Variants in EEFSEC observed in about 807,000 individuals in gnomAD.
EEFSEC encodes eukaryotic elongation factor, selenocysteine-tRNA specific, also known as selenocysteine-specific elongation factor.
A neutral mutation model predicts 42.1 loss-of-function variants in EEFSEC; 43 were observed. That is an observed-to-expected ratio of 1.02 (90% CI 0.80 to 1.32). EEFSEC has a LOEUF of 1.32. Among genes scored for constraint, EEFSEC ranks in the 40% most tolerant of loss-of-function variants. EEFSEC has a pLI of 0.00. For synonymous variants in EEFSEC, 354 were observed against 339.1 expected (o/e 1.04, Z -0.48); for missense variants, 745 against 803.6 (o/e 0.93, Z 0.88).
Position 128,341,758 on chromosome 3 carries a change from C to G in EEFSEC, c.1312C>G (p.His438Asp). Residue 438 changes from histidine to aspartate, a missense_variant, in exon 5 of 7, where the codon CAC becomes GAC. Transcript: ENST00000254730. ...TGGCTCCAGGCTAGATGCGGACATT[C>G]ACACCAACACGTGCCGGCTAGCCTT... ...VIGSRLDADI[H>D]TNTCRLAFHG... is the part of the protein sequence containing the mutation. 6.2e-7 allele frequency: 1 copy of G among 1,614,154 alleles called. No individual in the cohort carries two copies.
At chr3:128,174,556 A>T (rs148594190) in intron 1 of EEFSEC, among the ~76,000 whole-genome samples, 2 of 152,332 alleles carry the variant, frequency 1.3e-5, no homozygotes, top group East Asian at 3.9e-4. Flanking sequence ...GCAGCACAAC[A>T]GGCCTGGGCT....
At chr3:128,232,010 T>C (rs1351821754) in intron 1 of EEFSEC, among the ~76,000 whole-genome samples, 6 of 152,148 alleles carry the variant, frequency 3.9e-5, no homozygotes, top group Non-Finnish European at 8.8e-5. Context: ...CTTACTGTTT[T>C]GTCCAAAAAT....
At chr3:128,354,969 GTAGA>G (rs1174024745) in intron 5 of EEFSEC, among the ~76,000 whole-genome samples, 11 of 152,186 alleles carry the variant, frequency 7.2e-5, no homozygotes, top group African/African-American at 2.2e-4. Flanking sequence ...GTTCTCCCAG[GTAGA>G]TAGGAGGAAA....
At chr3:128,324,739 A>G (rs2067045918) in intron 4 of EEFSEC, among the ~76,000 whole-genome samples, 1 of 152,194 alleles carries the variant, frequency 6.6e-6, no homozygotes, top group African/African-American at 2.4e-5. Context: ...CAGGCCCTCA[A>G]TTCTTTTTGG....
chr3:128,408,798 G>A (rs2068152920), downstream of EEFSEC, among the ~76,000 whole-genome samples: 1 of 152,202 alleles, frequency 6.6e-6, no homozygotes, highest in Non-Finnish European at 1.5e-5. Context: ...AGTCTGCAGA[G>A]TGTCTGCGCT....
intron 5 of EEFSEC, among the ~76,000 whole-genome samples, chr3:128,354,798 A>C (rs2067432103): frequency 6.6e-6 from 1 of 152,238 alleles, no homozygotes; most frequent in South Asian, 2.1e-4. Flanking sequence ...GAGAAGATGC[A>C]GTAAACGTGT....
chr3:128,210,642 A>AAGTTCC (rs2065746670), intron 1 of EEFSEC, among the ~76,000 whole-genome samples: 1 of 152,226 alleles, frequency 6.6e-6, no homozygotes, highest in East Asian at 1.9e-4. Context: ...TAGCTTCCCA[A>AAGTTCC]TTACATCTCT....
At chr3:128,217,534 G>A (rs770367032) in intron 1 of EEFSEC, among the ~76,000 whole-genome samples, 2 of 152,184 alleles carry the variant, frequency 1.3e-5, no homozygotes, top group African/African-American at 2.4e-5. Context: ...ATGTGTTCAC[G>A]TGCACCTTGG....
At chr3:128,388,388 G>A (rs550169793) in intron 6 of EEFSEC, among the ~76,000 whole-genome samples, 20 of 152,230 alleles carry the variant, frequency 1.3e-4, no homozygotes, top group Admixed American at 3.9e-4. Flanking sequence ...CTCTGCCTTC[G>A]AGCTCCTCCA....
chr3:128,386,485 G>T (rs544720021), intron 6 of EEFSEC, among the ~76,000 whole-genome samples: 1 of 152,242 alleles, frequency 6.6e-6, no homozygotes, highest in South Asian at 2.1e-4. Flanking sequence ...GGCAGTGGGG[G>T]GGGGATGCAG....
chr3:128,172,501 G>T (rs1343117340), intron 1 of EEFSEC, among the ~76,000 whole-genome samples: 20 of 152,192 alleles, frequency 1.3e-4, no homozygotes, highest in Admixed American at 1.3e-3. Context: ...CGCTTGCTGT[G>T]TTGCGCAGGT....
At chr3:128,184,360 G>T (rs2065443225) in intron 1 of EEFSEC, among the ~76,000 whole-genome samples, 1 of 151,988 alleles carries the variant, frequency 6.6e-6, no homozygotes, top group Non-Finnish European at 1.5e-5. Flanking sequence ...CCTCCCACCA[G>T]CTCCTGGCCA....
intron 4 of EEFSEC, among the ~76,000 whole-genome samples, chr3:128,316,070 C>G (rs986543376): frequency 6.6e-6 from 1 of 152,146 alleles, no homozygotes; most frequent in East Asian, 1.9e-4. Flanking sequence ...AGACCAAGTC[C>G]TTTTGATCAC....
At chr3:128,385,547 C>T (rs902912307) in intron 6 of EEFSEC, among the ~76,000 whole-genome samples, 5 of 152,236 alleles carry the variant, frequency 3.3e-5, no homozygotes, top group African/African-American at 1.2e-4. Context: ...TGTCCTCCCA[C>T]ACACAGCTCA....
chr3:128,320,296 C>A (rs2066993001), intron 4 of EEFSEC, among the ~76,000 whole-genome samples: 1 of 152,204 alleles, frequency 6.6e-6, no homozygotes, highest in Non-Finnish European at 1.5e-5. Context: ...CTTTTACTTT[C>A]ATTGTCACCA....
At chr3:128,195,359 T>C (rs2065573498) in intron 1 of EEFSEC, among the ~76,000 whole-genome samples, 1 of 152,196 alleles carries the variant, frequency 6.6e-6, no homozygotes, top group Admixed American at 6.5e-5. Flanking sequence ...ATTAACACCA[T>C]GGCAATGGAG....
chr3:128,290,434 C>T (rs958867079), intron 4 of EEFSEC, among the ~76,000 whole-genome samples: 1 of 152,110 alleles, frequency 6.6e-6, no homozygotes, highest in South Asian at 2.1e-4. Context: ...GCTCTGTTTA[C>T]GTTTATTGTC....
intron 1 of EEFSEC, among the ~76,000 whole-genome samples, chr3:128,208,418 G>A (rs148830258): frequency 6.6e-6 from 1 of 152,308 alleles, no homozygotes; most frequent in Admixed American, 6.5e-5. Flanking sequence ...CTTTTATGGG[G>A]CTCATAGTCT....
chr3:128,293,559 G>T (rs1181630327), intron 4 of EEFSEC, among the ~76,000 whole-genome samples: 1 of 151,112 alleles, frequency 6.6e-6, no homozygotes, highest in African/African-American at 2.4e-5. Flanking sequence ...TACTCGGGAG[G>T]CTGAGGCAGG....
Sources: gnomAD v4.1 joint callset for allele counts (sites outside exome capture counted in the v4.1 genomes callset) on GRCh38, gnomAD v4.1.1 for gene constraint, MANE v1.5 for transcripts, NCBI Gene and HGNC (gene_info 2026-07-23, HGNC 2026-07-21) for gene names.